The following SLC25A21 variants were observed in gnomAD, a reference collection of about 807,000 sequenced individuals.
SLC25A21 encodes solute carrier family 25 member 21, also known as mitochondrial 2-oxodicarboxylate carrier.
A neutral mutation model predicts 43.8 loss-of-function variants in SLC25A21; 47 were observed. That is an observed-to-expected ratio of 1.07 (90% CI 0.85 to 1.37). The LOEUF is 1.37. Among genes scored for constraint, SLC25A21 ranks in the 40% most tolerant of loss-of-function variants. The pLI, the probability that SLC25A21 is intolerant of heterozygous loss-of-function variation, is 0.00. For missense variants in SLC25A21, 352 were observed against 350.2 expected (o/e 1.00, Z -0.04); for synonymous variants, 131 against 121.3 (o/e 1.08, Z -0.52).
At chr14:36,976,412 C>T (rs1009833205) in intron 1 of SLC25A21, among the ~76,000 whole-genome samples, 6 of 152,128 alleles carry the variant, frequency 3.9e-5, no homozygotes, top group African/African-American at 1.2e-4. Flanking sequence ...CAGAGCTTCA[C>T]ATTTACTTCT....
At chr14:37,118,097 G>A (rs879889284) in intron 1 of SLC25A21, among the ~76,000 whole-genome samples, 5 of 152,144 alleles carry the variant, frequency 3.3e-5, no homozygotes, top group African/African-American at 4.8e-5. Flanking sequence ...GTAGGAACCC[G>A]AATTATACTA....
intron 2 of SLC25A21, among the ~76,000 whole-genome samples, chr14:36,814,226 T>C (rs1436770748): frequency 2.0e-5 from 3 of 152,212 alleles, no homozygotes; most frequent in East Asian, 3.9e-4. Context: ...AAAAAATGTA[T>C]TTTCATCTAT....
intron 1 of SLC25A21, among the ~76,000 whole-genome samples, chr14:37,016,391 T>C (rs1198737033): frequency 2.6e-5 from 4 of 152,112 alleles, no homozygotes; most frequent in Middle Eastern, 3.2e-3. Flanking sequence ...TGTTCTGTTC[T>C]GTTGATCTAT....
intron 3 of SLC25A21, among the ~76,000 whole-genome samples, chr14:36,748,561 T>A (rs1417387285): frequency 1.3e-5 from 2 of 152,182 alleles, no homozygotes; most frequent in Non-Finnish European, 2.9e-5. Flanking sequence ...TATCAATGAA[T>A]AAATAAGGGT....
At chr14:37,060,423 A>AATG (rs555730600) in intron 1 of SLC25A21, among the ~76,000 whole-genome samples, 2,776 of 136,070 alleles carry the variant, frequency 0.02, 30 homozygotes, top group African/African-American at 0.032. Flanking sequence ...TAATAATAAT[A>AATG]ATGATGTAAC....
At chr14:36,789,096 A>G (rs2138394575) in intron 3 of SLC25A21, among the ~76,000 whole-genome samples, 1 of 152,338 alleles carries the variant, frequency 6.6e-6, no homozygotes, top group Admixed American at 6.5e-5. Context: ...AACATTGTCC[A>G]CTTAATTTCA....
intron 1 of SLC25A21, among the ~76,000 whole-genome samples, chr14:36,988,073 C>G (rs1245275530): frequency 6.6e-6 from 1 of 152,208 alleles, no homozygotes; most frequent in African/African-American, 2.4e-5. Context: ...TGTGGCCTTT[C>G]TTCCCTTCCC....
intron 1 of SLC25A21, among the ~76,000 whole-genome samples, chr14:37,156,296 AG>A (rs1423465848): frequency 6.6e-6 from 1 of 152,042 alleles, no homozygotes; most frequent in African/African-American, 2.4e-5. Context: ...AAAGATTCAC[AG>A]GTTCTAAAGA....
chr14:36,811,480 G>A (rs1045950734), intron 3 of SLC25A21, among the ~76,000 whole-genome samples: 11 of 151,958 alleles, frequency 7.2e-5, no homozygotes, highest in Admixed American at 1.3e-4. Flanking sequence ...GTGAGGCCCC[G>A]TCTCTACTAA....
intron 1 of SLC25A21, among the ~76,000 whole-genome samples, chr14:36,900,254 C>T (rs553384225): frequency 2.2e-4 from 34 of 152,126 alleles, no homozygotes; most frequent in Admixed American, 5.2e-4. Flanking sequence ...CCTAGAAGGG[C>T]TTCGATTGGC....
chr14:37,000,039 T>C (rs1960454281), intron 1 of SLC25A21, among the ~76,000 whole-genome samples: 1 of 152,150 alleles, frequency 6.6e-6, no homozygotes, highest in Non-Finnish European at 1.5e-5. Context: ...CATATTAAAA[T>C]CAGAATCTTT....
At chr14:37,161,556 A>C (rs892894995) in intron 1 of SLC25A21, among the ~76,000 whole-genome samples, 1 of 152,210 alleles carries the variant, frequency 6.6e-6, no homozygotes. Context: ...ATTTGGAAAT[A>C]GGATCTTTAA....
intron 1 of SLC25A21, among the ~76,000 whole-genome samples, chr14:37,068,497 TG>T (rs1205990195): frequency 6.6e-6 from 1 of 152,250 alleles, no homozygotes; most frequent in Non-Finnish European, 1.5e-5. Context: ...GCTGTAATTT[TG>T]GTTGTATTCT....
chr14:36,778,247 C>T lies in SLC25A21; in HGVS notation c.203+35671G>A, dbSNP rs146762690. Among the ~76,000 whole-genome samples the T allele has an allele frequency of 4.7e-3, 717 of 152,312 alleles. 3 individuals carry two copies. Among genetic ancestry groups the T allele is most frequent in the African/African-American group, 0.016 (675 of 41,548 alleles). On this transcript the variant is annotated intron_variant, in intron 3 of 9. Coordinates refer to ENST00000331299, the MANE Select transcript of SLC25A21 (RefSeq NM_030631.4). ...ATGTATCTCACATCAAATCTTTACT[C>T]CCCATCACTGCAATCATGCAGTCGG... is the stretch of plus-strand genomic sequence containing the variant.
At chr14:36,970,309 G>T (rs932072749) in intron 1 of SLC25A21, among the ~76,000 whole-genome samples, 1 of 152,046 alleles carries the variant, frequency 6.6e-6, no homozygotes, top group Non-Finnish European at 1.5e-5. Context: ...AACCAGAATA[G>T]GTGCTCAAGA....
chr14:36,698,052 C>T (rs1043764343), intron 7 of SLC25A21, among the ~76,000 whole-genome samples: 7 of 152,144 alleles, frequency 4.6e-5, no homozygotes, highest in South Asian at 2.1e-4. Context: ...TGGCTGGTAC[C>T]GGTTGTTTCT....
chr14:36,688,516 C>T (rs1046754236), intron 7 of SLC25A21, among the ~76,000 whole-genome samples: 10 of 152,196 alleles, frequency 6.6e-5, no homozygotes, highest in African/African-American at 2.2e-4. Flanking sequence ...CCCCTGTTAC[C>T]CCTGTGGATG....
chr14:37,034,249 G>A (rs936263255), intron 1 of SLC25A21, among the ~76,000 whole-genome samples: 4 of 152,014 alleles, frequency 2.6e-5, no homozygotes, highest in Non-Finnish European at 4.4e-5. Flanking sequence ...AATTCCTGAC[G>A]TTCAAGTGAT....
At chr14:36,759,787 G>GT (rs1886072200) in intron 3 of SLC25A21, 1 of 152,246 alleles carries the variant, frequency 6.6e-6, no homozygotes, top group South Asian at 2.1e-4. Context: ...GGCCAACATG[G>GT]TGAAACCCCG....
Sources: allele counts gnomAD v4.1 joint callset (sites outside exome capture counted in the v4.1 genomes callset), GRCh38; gene constraint gnomAD v4.1.1; transcripts MANE v1.5; gene names NCBI Gene and HGNC (gene_info 2026-07-23, HGNC 2026-07-21).